The following ISYNA1 variants were observed in gnomAD, a reference collection of about 807,000 sequenced individuals.
ISYNA1 encodes the protein MI-1-P synthase.
In ISYNA1, 34 loss-of-function variants were observed where a neutral mutation model predicts 50.3. That is an observed-to-expected ratio of 0.68 (90% confidence interval 0.51 to 0.90). The LOEUF is 0.90. ISYNA1 is among the 40% of genes least tolerant of loss of function. ISYNA1 has a pLI of 0.00. For missense variants in ISYNA1, 718 were observed against 784.8 expected (o/e 0.91, Z 1.02); for synonymous variants, 396 against 349.9 (o/e 1.13, Z -1.47).
rs780154908 is a variant in ISYNA1 at position 18,435,364 on chromosome 19, G to A, written c.1374C>T (p.Ser458=). The change falls in exon 10 of 11, where the codon TCC becomes TCT. Residue 458 remains serine (S), a synonymous_variant. Coordinates refer to ENST00000338128, the MANE Select transcript of ISYNA1 (RefSeq NM_016368.5). ...PEPQTFHPVL[S]LLSFLFKAPL... ...GCGCCTTGAAGAGGAAGCTGAGCAGGGACAGCACGGGGTGGAAGGTCTGCG... is the reference window on the plus strand; with the variant it reads ...GCGCCTTGAAGAGGAAGCTGAGCAGAGACAGCACGGGGTGGAAGGTCTGCG... 1 of 1,611,152 alleles carries A rather than the reference G, an allele frequency of 6.2e-7. No homozygotes were observed.
chr19:18,436,547 T>G (rs764670516), intron 5 of ISYNA1, 68 bp from the exon 6 acceptor site: 1 of 1,598,594 alleles, frequency 6.3e-7, no homozygotes. Context: ...GTACATACTC[T>G]CGGACTCACA....
chr19:18,436,213 G>A lies in ISYNA1; in HGVS notation c.794C>T (p.Ala265Val). 6.2e-7 allele frequency: 1 copy of A among 1,610,176 alleles called. No homozygotes were observed. Among genetic ancestry groups the A allele is most frequent in the East Asian group, 2.2e-5 (1 of 44,882 alleles). ...ACAGCCCTCCAGGATGCTGGCCACG[G>A]CGAAGAGCGTGGAGGGCGACACCTC... ...GLEVSPSTLF[A>V]VASILEGCAF... The change falls in exon 7 of 11, where the codon GCC (alanine) becomes GTC (valine). Residue 265 changes from alanine to valine, a missense_variant. Ala to Val is a moderately conservative substitution (Grantham distance 64, BLOSUM62 0). Around this residue, in one of 3 missense-constraint regions of ISYNA1, gnomAD observed 403 missense variants for 466.6 expected, o/e 0.86. Coordinates refer to ENST00000338128, the MANE Select transcript of ISYNA1 (RefSeq NM_016368.5).
rs1974136632 is a variant in ISYNA1 at position 18,437,999 on chromosome 19, G to A, written c.-9-11C>T. 1 of 1,548,274 alleles carries A rather than the reference G, an allele frequency of 6.5e-7. No homozygotes were observed. ...CTCCATCGCGGCGGGCTGGGGGCCC[G>A]GGGTGAGCAGGGGGTCAGCGGGGAC... On this transcript the variant is annotated splice_polypyrimidine_tract_variant and intron_variant, in intron 1 of 10. Coordinates refer to ENST00000338128, the MANE Select transcript of ISYNA1 (RefSeq NM_016368.5).
rs886929409 is a variant in ISYNA1, at chr19:18,436,860, G to C, written c.433C>G (p.Leu145Val). ...CGCCGCATCGCCTCGGCCAGGTTCA[G>C]CGACGAGATGTCCCAGCCTGGGGGG... is the stretch of plus-strand genomic sequence containing the variant. ...LVFDGWDISSLNLAEAMRRAK... is the reference protein window; with the variant it reads ...LVFDGWDISSVNLAEAMRRAK... Residue 145 changes from leucine to valine, a missense_variant, in exon 5 of 11, where the codon CTG becomes GTG. Leu to Val is a conservative substitution (Grantham distance 32). This residue lies in a region of ISYNA1 where 403 missense variants were observed against 466.6 expected (regional missense o/e 0.86). Coordinates refer to ENST00000338128, the MANE Select transcript of ISYNA1 (RefSeq NM_016368.5). The C allele has an allele frequency of 1.5e-5, 24 of 1,597,502 alleles. No homozygotes were observed. In the African/African-American group the frequency reaches 3.0e-4, roughly 20 times the overall value.
At position 18,437,594 on chromosome 19, in the gene ISYNA1, C is replaced by A. The variant is rs1352353842; in HGVS notation, c.282+5G>T. On this transcript the variant is annotated splice_donor_5th_base_variant and intron_variant, in intron 3 of 10. Coordinates refer to ENST00000338128, the MANE Select transcript of ISYNA1 (RefSeq NM_016368.5). ...CCCTACCCACCACGCCCCTCCCGCC[C>A]CCACCTTGCGGCCGCTGCGCGTGGG... 14 of 1,469,792 alleles carry A rather than the reference C, an allele frequency of 9.5e-6. No homozygotes were observed. Among genetic ancestry groups the A allele is most frequent in the Non-Finnish European group, 5.4e-6 (6 of 1,111,006 alleles). The allele number at this position is 1,469,792 out of a possible 1,614,324, so 91.0% of individuals were successfully genotyped here. A position where few individuals can be genotyped will look rare whatever the true frequency, so the allele number is the denominator to read the frequency against.
In ISYNA1 at chr19:18,435,372, C is replaced by T. The variant is rs758356975; in HGVS notation, c.1366G>A (p.Val456Met). Residue 456 changes from valine (V) to methionine (M), a missense_variant, in exon 10 of 11, where the codon GTG becomes ATG. By Grantham distance (21) the Val-to-Met change is conservative. Transcript: ENST00000338128. ...AAGAGGAAGCTGAGCAGGGACAGCA[C>T]GGGGTGGAAGGTCTGCGGCTCGGGG... ...MDPEPQTFHPVLSLLSFLFKA... is the reference protein window; with the variant it reads ...MDPEPQTFHPMLSLLSFLFKA... 2.2e-5 allele frequency: 36 copies of T among 1,611,220 alleles called. No homozygotes were observed. The South Asian group carries it at 3.5e-4, about 16-fold the overall frequency.
In ISYNA1 at chr19:18,435,061, C is replaced by T. The variant is rs775486515; in HGVS notation, c.1529G>A (p.Arg510His). The change falls in exon 11 of 11, where the codon CGC becomes CAC. Residue 510 changes from arginine (R) to histidine (H), a missense_variant. By Grantham distance (29) the Arg-to-His change is conservative. Transcript: ENST00000338128. ...AACTCGCTTGAGGCTGGGCCCTGGG[C>T]GCTCCATTTTGTGTTCCAGGAGCAT... Reference protein sequence around the residue: ...NHMLLEHKMERPGPSLKRVGP... With the variant: ...NHMLLEHKMEHPGPSLKRVGP... 5.6e-6 allele frequency: 9 copies of T among 1,613,446 alleles called. No homozygotes were observed. The highest frequency in any genetic ancestry group is 1.1e-5 in the South Asian group (1 of 91,086).
At position 18,436,664 on chromosome 19, in the gene ISYNA1, G is replaced by A; in HGVS notation, c.609+20C>T. The stretch of plus-strand genomic sequence containing the variant: ...GAAGAACAGGTGGCAGGAAGCAAGG[G>A]ATGCGGGATGGGACAGCACCTGCTG... On this transcript the variant is annotated intron_variant, in intron 5 of 10. Coordinates refer to ENST00000338128, the MANE Select transcript of ISYNA1 (RefSeq NM_016368.5). The A allele has an allele frequency of 6.3e-7, 1 of 1,579,842 alleles. No homozygotes were observed. The highest frequency in any genetic ancestry group is 8.6e-7 in the Non-Finnish European group (1 of 1,163,656).
chr19:18,436,033 T>C lies in ISYNA1; in HGVS notation c.974A>G (p.Lys325Arg), dbSNP rs1473650086. ...LVDFLIGSGLKTMSIVSYNHL... is the reference protein window; with the variant it reads ...LVDFLIGSGLRTMSIVSYNHL... ...CGGCAGCTCCCTAGGCCCACGCACC[T>C]TGAGGCCGGAGCCAATGAGGAAGTC... Residue 325 changes from lysine (K) to arginine (R), a missense_variant and splice_region_variant, in exon 7 of 11, where the codon AAG (lysine) becomes AGG (arginine). Around this residue, in one of 3 missense-constraint regions of ISYNA1, gnomAD observed 403 missense variants for 466.6 expected, o/e 0.86. Coordinates refer to ENST00000338128, the MANE Select transcript of ISYNA1 (RefSeq NM_016368.5). The C allele has an allele frequency of 6.2e-7, 1 of 1,613,378 alleles. No individual in the cohort carries two copies. The highest frequency in any genetic ancestry group is 1.1e-5 in the South Asian group (1 of 91,088).
Position 18,437,981 on chromosome 19 carries a change from G to C in ISYNA1, c.-2C>G. On this transcript the variant is annotated 5_prime_UTR_variant, in exon 2 of 11. Transcript: ENST00000338128. ...GAAGAACTGGGCGGCGGCCTCCATC[G>C]CGGCGGGCTGGGGGCCCGGGGTGAG... The C allele has an allele frequency of 6.4e-7, 1 of 1,567,332 alleles. No homozygotes were observed. The highest frequency in any genetic ancestry group is 8.6e-7 in the Non-Finnish European group (1 of 1,158,464).
chr19:18,434,936 C>T lies in ISYNA1; in HGVS notation c.1654G>A (p.Glu552Lys), dbSNP rs757930650. ...TGDANGHLQE[E>K]PPMPTT ...CCTCAGGTGGTGGGCATTGGGGGCT[C>T]CTCTTGCAGATGCCCATTGGCATCA... Residue 552 changes from glutamate (E) to lysine (K), a missense_variant, in exon 11 of 11, where the codon GAG becomes AAG. Coordinates refer to ENST00000338128, the MANE Select transcript of ISYNA1 (RefSeq NM_016368.5). 5 of 1,613,164 alleles carry T rather than the reference C, an allele frequency of 3.1e-6. No homozygotes were observed. The South Asian group carries it at 5.5e-5, about 18-fold the overall frequency.
In ISYNA1 at chr19:18,435,038, C is replaced by G. The variant is rs1328955771; in HGVS notation, c.1552G>C (p.Val518Leu). The G allele has an allele frequency of 6.2e-7, 1 of 1,613,646 alleles. No homozygotes were observed. The highest frequency in any genetic ancestry group is 1.7e-5 in the Admixed American group (1 of 60,020). The change falls in exon 11 of 11, where the codon GTT (valine) becomes CTT (leucine). Residue 518 changes from valine to leucine, a missense_variant. Val to Leu is a conservative substitution (Grantham distance 32). Coordinates refer to ENST00000338128, the MANE Select transcript of ISYNA1 (RefSeq NM_016368.5). ...GGGTAGGTGGCAGCCACGGGTCCAACTCGCTTGAGGCTGGGCCCTGGGCGC... is the reference window on the plus strand; with the variant it reads ...GGGTAGGTGGCAGCCACGGGTCCAAGTCGCTTGAGGCTGGGCCCTGGGCGC... Reference protein sequence around the residue: ...MERPGPSLKRVGPVAATYPML... With the variant: ...MERPGPSLKRLGPVAATYPML...
Position 18,435,242 on chromosome 19 carries a change from GGGAACCT to G in ISYNA1, c.1472+17_1472+23del. 1 of 1,600,972 alleles carries G rather than the reference GGGAACCT, an allele frequency of 6.2e-7. No homozygotes were observed. Among genetic ancestry groups the G allele is most frequent in the Non-Finnish European group, 8.5e-7 (1 of 1,175,350 alleles). On this transcript the variant is annotated intron_variant, in intron 10 of 10. Coordinates refer to ENST00000338128, the MANE Select transcript of ISYNA1 (RefSeq NM_016368.5). ...CCAGGGGGGTATCTGGGCCCCGGGC[GGGAACCT>G]GGAGGCTGGGGTGCACCTGAGGATG... is the stretch of plus-strand genomic sequence containing the variant.
Position 18,436,873 on chromosome 19 carries a change from C to T in ISYNA1, c.420G>A (p.Trp140Ter). 1 of 1,597,856 alleles carries T rather than the reference C, an allele frequency of 6.3e-7. No homozygotes were observed. The highest frequency in any genetic ancestry group is 8.5e-7 in the Non-Finnish European group (1 of 1,174,522). Residue 140 changes from tryptophan (W) to a stop codon, truncating the protein, a stop_gained, in exon 5 of 11, where the codon TGG (tryptophan) becomes TGA (stop). Transcript: ENST00000338128. LOFTEE classifies it high-confidence loss of function. ...VAPNDLVFDG[W>*]DISSLNLAEA... ...CGGCCAGGTTCAGCGACGAGATGTC[C>T]CAGCCTGGGGGGACCCTCACACTCG...
rs542513210 is a variant in ISYNA1, at chr19:18,437,709, G to C, written c.172C>G (p.Arg58Gly). Residue 58 changes from arginine (R) to glycine (G), a missense_variant, in exon 3 of 11, where the codon CGG becomes GGG. Physicochemically the swap from Arg to Gly is moderately radical, Grantham distance 125. Around this residue, in one of 3 missense-constraint regions of ISYNA1, gnomAD observed 403 missense variants for 466.6 expected, o/e 0.86. Transcript: ENST00000338128. ...CAGCCGACAAGCATGACCCCGAGCC[G>C]GGGCACCTGCCGGGCGGTCCGGAAG... ...FTFRTARQVP[R>G]LGVMLVGWGG... The C allele has an allele frequency of 1.8e-5, 28 of 1,559,182 alleles. No individual in the cohort carries two copies. In the Admixed American group the frequency reaches 5.3e-4, roughly 30 times the overall value.
In ISYNA1 at chr19:18,436,330, C is replaced by G. The variant is rs1212926800; in HGVS notation, c.759G>C (p.Glu253Asp). Residue 253 changes from glutamate (E) to aspartate (D), a missense_variant and splice_region_variant, in exon 6 of 11, where the codon GAG (glutamate) becomes GAC (aspartate). Coordinates refer to ENST00000338128, the MANE Select transcript of ISYNA1 (RefSeq NM_016368.5). The part of the protein sequence containing the change: ...DTAENLLRTI[E>D]LGLEVSPSTL... ...CCGCTCCACCCGGGCGTTCGCCCAC[C>G]TCAATGGTGCGCAGCAGGTTCTCGG... 3.1e-6 allele frequency: 5 copies of G among 1,611,864 alleles called. No homozygotes were observed. Among genetic ancestry groups the G allele is most frequent in the East Asian group, 2.2e-5 (1 of 44,894 alleles).
intron 3 of ISYNA1, chr19:18,437,387 G>T: frequency 7.7e-6 from 3 of 391,280 alleles, no homozygotes; most frequent in East Asian, 1.0e-4. Flanking sequence ...AAGCCCTCCC[G>T]CCCCACAGAG....
chr19:18,437,348 T>A (rs1974101712), intron 3 of ISYNA1: 2 of 1,377,488 alleles, frequency 1.5e-6, no homozygotes, highest in Non-Finnish European at 1.9e-6. Flanking sequence ...TTCCACGGGG[T>A]CCGCCTGCAG....
chr19:18,436,724 G>C lies in ISYNA1; in HGVS notation c.569C>G (p.Ala190Gly). ...IPEFIAANQS[A>G]RADNLIPGSR... ...GCCTGGGATGAGGTTGTCCGCGCGC[G>C]CGCTCTGGTTGGCCGCGATGAATTC... Residue 190 changes from alanine to glycine, a missense_variant, in exon 5 of 11, where the codon GCG becomes GGG. Physicochemically the swap from Ala to Gly is moderately conservative, Grantham distance 60. This residue lies in a region of ISYNA1 where 403 missense variants were observed against 466.6 expected (regional missense o/e 0.86). Coordinates refer to ENST00000338128, the MANE Select transcript of ISYNA1 (RefSeq NM_016368.5). 6.4e-7 allele frequency: 1 copy of C among 1,566,498 alleles called. No individual in the cohort carries two copies. Among genetic ancestry groups the C allele is most frequent in the Non-Finnish European group, 8.6e-7 (1 of 1,159,468 alleles).
Sources: allele counts gnomAD v4.1 joint callset, GRCh38; gene constraint gnomAD v4.1.1; regional missense constraint gnomAD v4.1.1; transcripts MANE v1.5; gene names NCBI Gene and HGNC (gene_info 2026-07-23, HGNC 2026-07-21).